RYR3: variants seen among roughly 807,000 people sequenced by gnomAD.
RYR3 encodes the protein ryanodine receptor 3, also known as brain ryanodine receptor-calcium release channel.
Under a neutral mutation model 584.3 loss-of-function variants are expected in RYR3, and 207 were observed. The ratio of observed to expected loss-of-function variants is 0.35; its 90% confidence interval spans 0.32 to 0.40. The LOEUF (loss-of-function observed/expected upper bound fraction) is 0.40, where lower values mean the gene tolerates loss of function less well. Among genes scored for constraint, RYR3 ranks in the 10% least tolerant of loss-of-function variants. RYR3 has a pLI of 1.00. For synonymous variants in RYR3, 2,416 were observed against 2,248.5 expected, an observed-to-expected ratio of 1.07 and a Z score of -2.11; for missense variants, 5,616 against 6,089.2, an observed-to-expected ratio of 0.92 and a Z score of 2.59.
At chr15:33,564,561 C>T (rs541106280) in intron 11 of RYR3, among the ~76,000 whole-genome samples, 1 of 152,298 alleles carries the variant, frequency 6.6e-6, no homozygotes, top group East Asian at 1.9e-4. Flanking sequence ...AAACTTAAAT[C>T]CTCTATAGAG....
rs576331380 is a variant in RYR3, at chr15:33,851,332, G to C, written c.13629-1713G>C. 8 of 151,978 alleles carry C rather than the reference G, an allele frequency of 5.3e-5. No individual in the cohort carries two copies. The South Asian group carries it at 1.7e-3, about 32-fold the overall frequency. The allele number at this position is 151,978 out of a possible 1,614,324, so 9.4% of individuals were successfully genotyped here. A position where few individuals can be genotyped will look rare whatever the true frequency, so the allele number is the denominator to read the frequency against. On this transcript the variant is annotated intron_variant, in intron 94 of 103. Transcript: ENST00000634891. ...ATGCTCCAAACAGTACTATATTCGA[G>C]TTTCTTCTTCTCTGCTTATTTGCTG...
chr15:33,738,114 G>T (rs1183326209), intron 49 of RYR3, among the ~76,000 whole-genome samples: 1 of 152,124 alleles, frequency 6.6e-6, no homozygotes, highest in Non-Finnish European at 1.5e-5. Context: ...CCCCTGACTG[G>T]CTAGAACAGC....
At chr15:33,333,644 T>C (rs1234724029) in intron 1 of RYR3, among the ~76,000 whole-genome samples, 1 of 152,182 alleles carries the variant, frequency 6.6e-6, no homozygotes, top group Non-Finnish European at 1.5e-5. Context: ...AAGACATGGA[T>C]GCCCTCTCTC....
intron 10 of RYR3, among the ~76,000 whole-genome samples, chr15:33,554,486 C>A (rs969610728): frequency 1.3e-5 from 2 of 151,924 alleles, no homozygotes; most frequent in Admixed American, 1.3e-4. Flanking sequence ...TTAGTAGAGA[C>A]GGGGTTTCAC....
intron 1 of RYR3, among the ~76,000 whole-genome samples, chr15:33,331,455 G>A (rs138720320): frequency 6.6e-6 from 1 of 152,130 alleles, no homozygotes; most frequent in East Asian, 1.9e-4. Flanking sequence ...GTAATTTTTG[G>A]TAGCGAATTA....
intron 42 of RYR3, 36 bp downstream of exon 42, chr15:33,701,116 T>C: frequency 6.9e-7 from 1 of 1,455,932 alleles, no homozygotes; most frequent in Non-Finnish European, 9.6e-7. Context: ...TGGTGTTCTC[T>C]TCGGCCTGTA....
intron 54 of RYR3, 49 bp downstream of exon 54, chr15:33,748,309 A>G: frequency 1.2e-6 from 2 of 1,602,952 alleles, no homozygotes; most frequent in Non-Finnish European, 1.7e-6. Context: ...GAAGCCATGG[A>G]GAATCTGGGA....
chr15:33,450,829 T>C (rs988496926), intron 1 of RYR3, among the ~76,000 whole-genome samples: 5 of 152,164 alleles, frequency 3.3e-5, no homozygotes, highest in African/African-American at 1.2e-4. Flanking sequence ...CAATCCTGTG[T>C]GTCTCCTATT....
chr15:33,760,351 C>G (rs2072306533), intron 60 of RYR3, among the ~76,000 whole-genome samples: 1 of 150,500 alleles, frequency 6.6e-6, no homozygotes, highest in African/African-American at 2.4e-5. Context: ...ATTGGATAGT[C>G]AAGACCCATC....
At chr15:33,707,236 G>A (rs769388405) in intron 43 of RYR3, among the ~76,000 whole-genome samples, 182 bp downstream of exon 43, 1 of 152,106 alleles carries the variant, frequency 6.6e-6, no homozygotes, top group South Asian at 2.1e-4. Flanking sequence ...TCAGAATCAG[G>A]CCAGACAAGG....
At chr15:33,673,294 A>T (rs942749200) in intron 38 of RYR3, among the ~76,000 whole-genome samples, 1 of 152,248 alleles carries the variant, frequency 6.6e-6, no homozygotes. Flanking sequence ...TGCTGTGAGC[A>T]GTTGATGTTG....
chr15:33,402,576 A>C (rs553621018), intron 1 of RYR3, among the ~76,000 whole-genome samples: 3 of 152,356 alleles, frequency 2.0e-5, no homozygotes, highest in African/African-American at 7.2e-5. Context: ...ATTTATGATG[A>C]AAATGTAGAC....
intron 1 of RYR3, among the ~76,000 whole-genome samples, chr15:33,315,766 G>A (rs1347056361): frequency 6.6e-6 from 1 of 152,258 alleles, no homozygotes; most frequent in Non-Finnish European, 1.5e-5. Context: ...CGCATCAGCA[G>A]TAGGGGGGTG....
chr15:33,474,467 G>T (rs964712080), intron 2 of RYR3, among the ~76,000 whole-genome samples: 1 of 152,158 alleles, frequency 6.6e-6, no homozygotes, highest in Admixed American at 6.5e-5. Flanking sequence ...CATCTCAGTT[G>T]TTCTGAAGGC....
intron 1 of RYR3, among the ~76,000 whole-genome samples, chr15:33,402,546 T>A (rs1224958565): frequency 6.6e-6 from 1 of 152,264 alleles, no homozygotes; most frequent in Admixed American, 6.5e-5. Flanking sequence ...CAGTTTAATC[T>A]AGAGCACTAT....
At chr15:33,566,620 A>G in intron 11 of RYR3, 58 bp from the exon 12 acceptor site, 1 of 1,584,630 alleles carries the variant, frequency 6.3e-7, no homozygotes, top group Non-Finnish European at 8.7e-7. Context: ...GGAAATGTTG[A>G]CTGCCCATAT....
Position 33,845,023 on chromosome 15 carries a change from C to T in RYR3, c.13458C>T (p.Ile4486=), listed in dbSNP as rs760519901. 1.2e-6 allele frequency: 2 copies of T among 1,614,042 alleles called. No homozygotes were observed. The highest frequency in any genetic ancestry group is 1.7e-5 in the Admixed American group (1 of 60,036). The part of the protein sequence containing the change: ...TLRALAIIHT[I]ISLVCVVGYY... ...GTGCCCTGGCCATCATCCATACCAT[C>T]ATCTCTCTAGTCTGTGTGGTGGGCT... Residue 4486 remains isoleucine (I), a synonymous_variant, in exon 93 of 104, where the codon ATC becomes ATT. Coordinates refer to ENST00000634891, the MANE Select transcript of RYR3 (RefSeq NM_001036.6).
At position 33,866,100 on chromosome 15, in the gene RYR3, A is replaced by G. The variant is rs910212051; in HGVS notation, c.*874A>G. The G allele has an allele frequency of 6.3e-6, 1 of 159,414 alleles. No individual in the cohort carries two copies. Among genetic ancestry groups the G allele is most frequent in the African/African-American group, 2.4e-5 (1 of 41,514 alleles). The allele number at this position is 159,414 out of a possible 1,614,324, so 9.9% of individuals were successfully genotyped here. On this transcript the variant is annotated 3_prime_UTR_variant, in exon 104 of 104. Coordinates refer to ENST00000634891, the MANE Select transcript of RYR3 (RefSeq NM_001036.6). ...CACTGCAATAAAGTAATACGTACCA[A>G]TACCTCCAGGGTCTGGACTCTTGGA... is the stretch of plus-strand genomic sequence containing the variant.
At chr15:33,612,624 T>G (rs2060251564) in intron 18 of RYR3, among the ~76,000 whole-genome samples, 1 of 152,214 alleles carries the variant, frequency 6.6e-6, no homozygotes, top group African/African-American at 2.4e-5. Context: ...CCTCCGGAAG[T>G]GCTGGGATTA....
Sources: allele counts gnomAD v4.1 joint callset (sites outside exome capture counted in the v4.1 genomes callset), GRCh38; gene constraint gnomAD v4.1.1; transcripts MANE v1.5; gene names NCBI Gene and HGNC (gene_info 2026-07-23, HGNC 2026-07-21).